The following PITPNC1 variants were observed in gnomAD, a reference collection of about 807,000 sequenced individuals.
The protein encoded by PITPNC1 is cytoplasmic phosphatidylinositol transfer protein 1.
Under a neutral mutation model 44.7 loss-of-function variants are expected in PITPNC1, and 18 were observed. The observed-to-expected ratio is 0.40, with a 90% CI of 0.28 to 0.60. PITPNC1 has a LOEUF of 0.60. Ranked by LOEUF, PITPNC1 falls within the 20% of genes least tolerant of loss-of-function variation. The pLI is 0.39. For synonymous variants in PITPNC1, 141 were observed against 149.6 expected (o/e 0.94, Z 0.42); for missense variants, 290 against 418.4 (o/e 0.69, Z 2.68).
chr17:67,657,577 C>T (rs1479934354), intron 6 of PITPNC1, among the ~76,000 whole-genome samples: 2 of 151,150 alleles, frequency 1.3e-5, no homozygotes, highest in Non-Finnish European at 2.9e-5. Context: ...TTTTATTTTT[C>T]TCAGGCCCCG....
intron 1 of PITPNC1, among the ~76,000 whole-genome samples, chr17:67,468,886 G>T (rs552031341): frequency 6.8e-6 from 1 of 146,892 alleles, no homozygotes; most frequent in Non-Finnish European, 1.5e-5. Flanking sequence ...CCACCACCAC[G>T]CCTGGCTAAT....
At chr17:67,381,336 A>G (rs1450550084) in intron 1 of PITPNC1, among the ~76,000 whole-genome samples, 1 of 151,466 alleles carries the variant, frequency 6.6e-6, no homozygotes, top group Non-Finnish European at 1.5e-5. Flanking sequence ...CAAAAAAAAA[A>G]AAAAAAAAAA....
chr17:67,586,353 C>T (rs367725204), intron 5 of PITPNC1, among the ~76,000 whole-genome samples: 11 of 149,146 alleles, frequency 7.4e-5, no homozygotes, highest in East Asian at 3.9e-4. Flanking sequence ...GAGGCTGAAG[C>T]GGGCAGATTA....
chr17:67,471,764 A>G (rs1468200464), intron 1 of PITPNC1, among the ~76,000 whole-genome samples: 1 of 151,950 alleles, frequency 6.6e-6, no homozygotes, highest in East Asian at 2.0e-4. Context: ...TACATTTATC[A>G]AAACTCAAAA....
intron 1 of PITPNC1, chr17:67,378,954 G>T (rs2037914808): frequency 1.0e-6 from 1 of 984,962 alleles, no homozygotes; most frequent in African/African-American, 1.7e-5. Context: ...GCCGGGCGCG[G>T]GGCGGGGGCT....
rs183639390 is a variant in PITPNC1 at position 67,632,824 on chromosome 17, T to G, written c.462+586T>G. Reference sequence around the variant, plus strand: ...CTCAAATGATCAGCCCACCTTGGCCTCCCAAAGCACTGGGATTACAGGCAT... The same window carrying G: ...CTCAAATGATCAGCCCACCTTGGCCGCCCAAAGCACTGGGATTACAGGCAT... On this transcript the variant is annotated intron_variant, in intron 6 of 8. Coordinates refer to ENST00000581322, the MANE Select transcript of PITPNC1 (RefSeq NM_012417.4). 5.4e-3 allele frequency among the ~76,000 whole-genome samples: 827 copies of G among 152,276 alleles called. 3 individuals carry two copies. Among genetic ancestry groups the G allele is most frequent in the Non-Finnish European group, 6.1e-3 (416 of 68,020 alleles).
At chr17:67,560,057 G>A (rs757624882) in intron 4 of PITPNC1, among the ~76,000 whole-genome samples, 2 of 152,128 alleles carry the variant, frequency 1.3e-5, no homozygotes, top group Non-Finnish European at 2.9e-5. Flanking sequence ...TTAAGTAAGG[G>A]ATGGGCTATA....
At chr17:67,596,829 G>T (rs534193859) in intron 5 of PITPNC1, among the ~76,000 whole-genome samples, 5 of 152,104 alleles carry the variant, frequency 3.3e-5, no homozygotes, top group African/African-American at 9.6e-5. Flanking sequence ...TGGTTTAAAG[G>T]CTCTTCCCCC....
intron 1 of PITPNC1, among the ~76,000 whole-genome samples, chr17:67,470,401 C>T (rs79106608): frequency 2.0e-5 from 3 of 152,252 alleles, no homozygotes; most frequent in Admixed American, 2.0e-4. Context: ...CTCTCTACCC[C>T]CCACATTCCC....
intron 8 of PITPNC1, among the ~76,000 whole-genome samples, chr17:67,683,918 C>T (rs183991369): frequency 6.9e-6 from 1 of 145,624 alleles, no homozygotes; most frequent in Non-Finnish European, 1.5e-5. Context: ...GCAGAGGTTG[C>T]GGTGAGCTGA....
intron 2 of PITPNC1, among the ~76,000 whole-genome samples, chr17:67,544,990 T>C (rs1598803557): frequency 6.6e-6 from 1 of 152,132 alleles, no homozygotes; most frequent in East Asian, 1.9e-4. Flanking sequence ...CTTCTAGATA[T>C]ACAAAGACAA....
chr17:67,683,313 T>C (rs897342248), intron 8 of PITPNC1, among the ~76,000 whole-genome samples: 2 of 152,190 alleles, frequency 1.3e-5, no homozygotes, highest in Non-Finnish European at 2.9e-5. Context: ...GTATAATCTG[T>C]CATTGGGCAC....
chr17:67,553,658 T>A, intron 4 of PITPNC1, 41 bp downstream of exon 4: 1 of 859,474 alleles, frequency 1.2e-6, no homozygotes, highest in Non-Finnish European at 1.8e-6. Context: ...CTGTCTATGA[T>A]CAGTGGAGTA....
At chr17:67,680,139 C>T (rs2042675586) in intron 8 of PITPNC1, among the ~76,000 whole-genome samples, 1 of 152,144 alleles carries the variant, frequency 6.6e-6, no homozygotes, top group African/African-American at 2.4e-5. Context: ...GTTGCATGAG[C>T]TGGTTGAGTT....
intron 1 of PITPNC1, among the ~76,000 whole-genome samples, chr17:67,381,916 C>T (rs1179136175): frequency 1.3e-5 from 2 of 152,112 alleles, no homozygotes; most frequent in African/African-American, 2.4e-5. Flanking sequence ...CTGGTGGTGG[C>T]GGGCGGTGGA....
chr17:67,432,981 A>G (rs2038878202), intron 1 of PITPNC1, among the ~76,000 whole-genome samples: 2 of 152,190 alleles, frequency 1.3e-5, no homozygotes, highest in Admixed American at 1.3e-4. Context: ...GAAATATACA[A>G]ATATAATATA....
intron 1 of PITPNC1, chr17:67,457,389 TG>T (rs1400704115): frequency 6.6e-6 from 1 of 152,340 alleles, no homozygotes; most frequent in Non-Finnish European, 1.5e-5. Context: ...TTTTGTTTTT[TG>T]TTTTTTGTTT....
At chr17:67,474,593 C>T (rs2039598810) in intron 1 of PITPNC1, among the ~76,000 whole-genome samples, 1 of 152,138 alleles carries the variant, frequency 6.6e-6, no homozygotes, top group African/African-American at 2.4e-5. Context: ...AGCAAAATCG[C>T]CCCATGCTGA....
chr17:67,635,334 G>C (rs2042020640), intron 6 of PITPNC1, among the ~76,000 whole-genome samples: 1 of 152,150 alleles, frequency 6.6e-6, no homozygotes, highest in Non-Finnish European at 1.5e-5. Context: ...ATTGCTCATG[G>C]ATTGGATGTG....
Sources: gnomAD v4.1 joint callset for allele counts (sites outside exome capture counted in the v4.1 genomes callset) on GRCh38, gnomAD v4.1.1 for gene constraint, MANE v1.5 for transcripts, NCBI Gene and HGNC (gene_info 2026-07-23, HGNC 2026-07-21) for gene names.